Variants in TTC31 observed in about 807,000 individuals in gnomAD.
The protein encoded by TTC31 is tetratricopeptide repeat domain 31.
In TTC31, 59 loss-of-function variants were observed where a neutral mutation model predicts 60.4. That is an observed-to-expected ratio of 0.98 (90% CI 0.79 to 1.21). TTC31 has a LOEUF of 1.21. TTC31 is among the 50% of genes most tolerant of loss of function. The probability of loss-of-function intolerance (pLI) is 0.00; values close to 1 mark genes in which losing one functional copy is unlikely to be tolerated. For synonymous variants in TTC31, 225 were observed against 249.6 expected, an observed-to-expected ratio of 0.90 and a Z score of 0.93; for missense variants, 672 against 646.9, an observed-to-expected ratio of 1.04 and a Z score of -0.42.
intron 2 of TTC31, among the ~76,000 whole-genome samples, chr2:74,488,168 A>T (rs1020981926): frequency 2.0e-5 from 3 of 152,208 alleles, no homozygotes; most frequent in African/African-American, 7.2e-5. Context: ...GCAGTTAGGA[A>T]GGTGACACAA....
chr2:74,490,177 G>C (rs1308203495), intron 3 of TTC31, 50 bp downstream of exon 3: 1 of 1,610,802 alleles, frequency 6.2e-7, no homozygotes, highest in Admixed American at 1.7e-5. Flanking sequence ...TACCCTGGGA[G>C]GGCTGACCCT....
chr2:74,493,422 A>C lies in TTC31; in HGVS notation c.*204A>C. On this transcript the variant is annotated 3_prime_UTR_variant, in exon 13 of 13. Coordinates refer to ENST00000233623, the MANE Select transcript of TTC31 (RefSeq NM_022492.6). ...TCCACTGAAACATCCTTTGGTTCTC[A>C]AGCTTCTTCTGGAGGCAGTAAGGAA... 2 of 572,440 alleles carry C rather than the reference A, an allele frequency of 3.5e-6. No individual in the cohort carries two copies. The highest frequency in any genetic ancestry group is 6.0e-6 in the Non-Finnish European group (2 of 335,560). 35.5% of individuals were successfully genotyped at this position (572,440 alleles called of 1,614,324 possible). A position where few individuals can be genotyped will look rare whatever the true frequency, so the allele number is the denominator to read the frequency against.
chr2:74,490,284 T>G lies in TTC31; in HGVS notation c.273T>G (p.Thr91=), dbSNP rs1339104143. The G allele has an allele frequency of 1.2e-6, 2 of 1,613,994 alleles. No homozygotes were observed. Among genetic ancestry groups the G allele is most frequent in the Non-Finnish European group, 1.7e-6 (2 of 1,180,006 alleles). Residue 91 remains threonine (T), a synonymous_variant, in exon 4 of 13, where the codon ACT becomes ACG. Transcript: ENST00000233623. ...LGHLDDEGKS[T]GQSDRGKGAE... ...ACTTGGATGATGAAGGGAAATCAAC[T>G]GGACAGAGTGACAGGGGCAAGGGGG...
intron 2 of TTC31, among the ~76,000 whole-genome samples, chr2:74,485,184 G>A (rs1279809311): frequency 1.3e-5 from 2 of 151,554 alleles, no homozygotes. Context: ...CCACCACCAC[G>A]CCCAGCTAAT....
At chr2:74,487,957 G>A (rs1673334739) in intron 2 of TTC31, among the ~76,000 whole-genome samples, 2 of 152,172 alleles carry the variant, frequency 1.3e-5, no homozygotes, top group Non-Finnish European at 2.9e-5. Context: ...TGGGATTACA[G>A]GCGTGAGCCA....
Position 74,492,322 on chromosome 2 carries a change from C to T in TTC31, c.1038C>T (p.Ser346=). ...PQDHRLFGNR[S]FCHERLGQPA... The stretch of plus-strand genomic sequence containing the variant: ...TTATCAGGTTATTTGGAAATCGTTC[C>T]TTCTGCCATGAGCGGTTGGGTCAGC... The change falls in exon 11 of 13, where the codon TCC becomes TCT. Residue 346 remains serine (S), a synonymous_variant. Transcript: ENST00000233623. The T allele has an allele frequency of 1.3e-6, 2 of 1,589,818 alleles. No homozygotes were observed. Among genetic ancestry groups the T allele is most frequent in the Non-Finnish European group, 1.7e-6 (2 of 1,164,178 alleles).
chr2:74,490,013 C>CA lies in TTC31; in HGVS notation c.130-12_130-11insA. On this transcript the variant is annotated splice_polypyrimidine_tract_variant and intron_variant, in intron 2 of 12. Transcript: ENST00000233623. ...CAACACCAGCCTCCCCTCCCCTCCC[C>CA]TCCCCTCCCAGGACATAGTGGATTT... The CA allele has an allele frequency of 1.3e-6, 2 of 1,518,740 alleles. No homozygotes were observed. Among genetic ancestry groups the CA allele is most frequent in the Non-Finnish European group, 1.8e-6 (2 of 1,116,722 alleles). 94.1% of individuals were successfully genotyped at this position (1,518,740 alleles called of 1,614,324 possible). A position where few individuals can be genotyped will look rare whatever the true frequency, so the allele number is the denominator to read the frequency against.
At position 74,492,321 on chromosome 2, in the gene TTC31, C is replaced by G; in HGVS notation, c.1037C>G (p.Ser346Cys). 3 of 1,590,068 alleles carry G rather than the reference C, an allele frequency of 1.9e-6. No homozygotes were observed. Among genetic ancestry groups the G allele is most frequent in the Non-Finnish European group, 2.6e-6 (3 of 1,164,244 alleles). Residue 346 changes from serine to cysteine, a missense_variant, in exon 11 of 13, where the codon TCC becomes TGC. Coordinates refer to ENST00000233623, the MANE Select transcript of TTC31 (RefSeq NM_022492.6). ...PQDHRLFGNR[S>C]FCHERLGQPA... ...TTTATCAGGTTATTTGGAAATCGTT[C>G]CTTCTGCCATGAGCGGTTGGGTCAG...
At chr2:74,489,613 AC>A (rs1349097255) in intron 2 of TTC31, among the ~76,000 whole-genome samples, 1 of 152,124 alleles carries the variant, frequency 6.6e-6, no homozygotes, top group Non-Finnish European at 1.5e-5. Context: ...GAGCTGCTGT[AC>A]TTGTTTAGGT....
chr2:74,486,944 A>G (rs1351076669), intron 2 of TTC31, among the ~76,000 whole-genome samples: 2 of 151,990 alleles, frequency 1.3e-5, no homozygotes, highest in African/African-American at 4.8e-5. Context: ...AGAAAGTGAC[A>G]TTTACATAGA....
chr2:74,489,118 A>G (rs1673508199), intron 2 of TTC31, among the ~76,000 whole-genome samples: 1 of 152,242 alleles, frequency 6.6e-6, no homozygotes, highest in African/African-American at 2.4e-5. Flanking sequence ...TTGGAATTCC[A>G]TGCTGCCTGG....
intron 2 of TTC31, among the ~76,000 whole-genome samples, chr2:74,488,737 G>A (rs1673455664): frequency 6.6e-6 from 1 of 152,134 alleles, no homozygotes. Flanking sequence ...GGTCTAGCCT[G>A]GGCAACACAG....
At chr2:74,486,525 C>T (rs918882139) in intron 2 of TTC31, among the ~76,000 whole-genome samples, 5 of 152,142 alleles carry the variant, frequency 3.3e-5, no homozygotes, top group Admixed American at 6.5e-5. Flanking sequence ...GTATGTCAAA[C>T]ATGAGAAGTA....
chr2:74,483,246 T>C (rs1461455389), intron 1 of TTC31, 76 bp from the exon 2 acceptor site: 1 of 1,612,640 alleles, frequency 6.2e-7, no homozygotes, highest in African/African-American at 1.3e-5. Flanking sequence ...GGGCGGAGAG[T>C]CGAGGGTAGA....
intron 5 of TTC31, 137 bp from the exon 6 acceptor site, chr2:74,490,991 T>C: frequency 8.0e-7 from 1 of 1,249,142 alleles, no homozygotes; most frequent in Non-Finnish European, 1.1e-6. Flanking sequence ...CTCTCTTGTC[T>C]GCTTTTTCAC....
chr2:74,486,452 T>C (rs1363532848), intron 2 of TTC31, among the ~76,000 whole-genome samples: 3 of 152,150 alleles, frequency 2.0e-5, no homozygotes, highest in East Asian at 1.9e-4. Flanking sequence ...CCAAAATCTT[T>C]CTGTTCAACA....
Position 74,486,785 on chromosome 2 carries a change from C to T in TTC31, c.130-3240C>T, listed in dbSNP as rs1673159869. Among the ~76,000 whole-genome samples the T allele has an allele frequency of 2.6e-5, 4 of 151,866 alleles. No homozygotes were observed. In the South Asian group the frequency reaches 8.3e-4, roughly 32 times the overall value. The stretch of plus-strand genomic sequence containing the variant: ...GTGCATGCCTGTAATCCCAGCTACT[C>T]TGGAGGCCGAGGCAGGAGAATCACT... On this transcript the variant is annotated intron_variant, in intron 2 of 12. Transcript: ENST00000233623.
At position 74,490,905 on chromosome 2, in the gene TTC31, G is replaced by C. The variant is rs529748782; in HGVS notation, c.546+166G>C. The C allele has an allele frequency of 6.9e-5, 61 of 889,224 alleles. No homozygotes were observed. In the African/African-American group the frequency reaches 9.4e-4, roughly 14 times the overall value. 55.1% of individuals were successfully genotyped at this position (889,224 alleles called of 1,614,324 possible). A position where few individuals can be genotyped will look rare whatever the true frequency, so the allele number is the denominator to read the frequency against. ...CTGGGGGGTCTCTCACAGGCCATCTGGTGCAGTGGTTCTGGAATCCTACTG... is the reference window on the plus strand; with the variant it reads ...CTGGGGGGTCTCTCACAGGCCATCTCGTGCAGTGGTTCTGGAATCCTACTG... On this transcript the variant is annotated intron_variant, in intron 5 of 12. Coordinates refer to ENST00000233623, the MANE Select transcript of TTC31 (RefSeq NM_022492.6).
rs772621629 is a variant in TTC31 at position 74,491,182 on chromosome 2, A to C, written c.601A>C (p.Lys201Gln). The change falls in exon 6 of 13, where the codon AAG becomes CAG. Residue 201 changes from lysine (K) to glutamine (Q), a missense_variant and splice_region_variant. By Grantham distance (53) the Lys-to-Gln change is moderately conservative (BLOSUM62 1). Coordinates refer to ENST00000233623, the MANE Select transcript of TTC31 (RefSeq NM_022492.6). ...TTTGGAGCAGTACTGTGGGGAGCCC[A>C]AGGTGAGTATCTAGGGCAGGTACTA... ...ERLEQYCGEP[K>Q]ASTTSDGDES... 1.2e-6 allele frequency: 2 copies of C among 1,614,166 alleles called. No homozygotes were observed. Among genetic ancestry groups the C allele is most frequent in the Non-Finnish European group, 1.7e-6 (2 of 1,180,006 alleles).
Sources: allele counts gnomAD v4.1 joint callset (sites outside exome capture counted in the v4.1 genomes callset), GRCh38; gene constraint gnomAD v4.1.1; transcripts MANE v1.5; gene names NCBI Gene and HGNC (gene_info 2026-07-23, HGNC 2026-07-21).